KIF20B: variants seen among roughly 807,000 people sequenced by gnomAD.
KIF20B encodes kinesin-like protein KIF20B.
A neutral mutation model predicts 232.5 loss-of-function variants in KIF20B; 188 were observed. The ratio of observed to expected loss-of-function variants is 0.81; its 90% CI spans 0.72 to 0.91. The LOEUF (loss-of-function observed/expected upper bound fraction) is 0.91. Ranked by LOEUF, KIF20B falls within the 40% of genes least tolerant of loss-of-function variation. KIF20B has a pLI of 0.00. For missense variants in KIF20B, 2,154 were observed against 2,055.9 expected, an observed-to-expected ratio of 1.05 and a Z score of -0.92; for synonymous variants, 712 against 683.0, an observed-to-expected ratio of 1.04 and a Z score of -0.66.
At chr10:89,716,126 G>A (rs572206282) in intron 8 of KIF20B, among the ~76,000 whole-genome samples, 7 of 152,258 alleles carry the variant, frequency 4.6e-5, no homozygotes, top group Middle Eastern at 3.4e-3. Flanking sequence ...GGTTTAATCT[G>A]TACTGTACTT....
chr10:89,725,094 T>C lies in KIF20B; in HGVS notation c.1937T>C (p.Val646Ala). The C allele has an allele frequency of 6.2e-7, 1 of 1,614,026 alleles. No individual in the cohort carries two copies. The highest frequency in any genetic ancestry group is 8.5e-7 in the Non-Finnish European group (1 of 1,179,942). Residue 646 changes from valine to alanine, a missense_variant, in exon 15 of 33, where the codon GTT becomes GCT. Coordinates refer to ENST00000371728, the MANE Select transcript of KIF20B (RefSeq NM_001284259.2). The part of the protein sequence containing the change: ...ERRLAIFKDL[V>A]GKCDTREEAA... ...CGTTTGGCTATCTTCAAGGATTTGG[T>C]TGGTAAATGTGACACTCGAGAAGAA...
At chr10:89,709,847 A>T in intron 4 of KIF20B, 80 bp from the exon 5 acceptor site, 1 of 1,109,138 alleles carries the variant, frequency 9.0e-7, no homozygotes, top group Non-Finnish European at 1.2e-6. Context: ...TAAATTTTTA[A>T]ACAGTAGTGT....
In KIF20B at chr10:89,752,469, G is replaced by A. The variant is rs373117693; in HGVS notation, c.4223-98G>A. 66 of 811,744 alleles carry A rather than the reference G, an allele frequency of 8.1e-5. No individual in the cohort carries two copies. In the African/African-American group the frequency reaches 1.0e-3, roughly 13 times the overall value. The allele number at this position is 811,744 out of a possible 1,614,324, so 50.3% of individuals were successfully genotyped here. A position where few individuals can be genotyped will look rare whatever the true frequency, so the allele number is the denominator to read the frequency against. On this transcript the variant is annotated intron_variant, in intron 24 of 32. Transcript: ENST00000371728. ...ATCTTGGTCTGTGTTCTTTATCTGG[G>A]CTCTACTGATTTGTGTCTGTAGCCC...
intron 17 of KIF20B, among the ~76,000 whole-genome samples, chr10:89,728,338 A>T (rs556375371): frequency 6.6e-5 from 10 of 152,286 alleles, no homozygotes; most frequent in African/African-American, 2.4e-4. Flanking sequence ...CCTAAATTTA[A>T]AACAAAACCA....
intron 13 of KIF20B, among the ~76,000 whole-genome samples, 179 bp downstream of exon 13, chr10:89,719,885 C>T (rs554035786): frequency 6.6e-6 from 1 of 152,142 alleles, no homozygotes; most frequent in African/African-American, 2.4e-5. Context: ...CTCATTTATC[C>T]TTCACCTGGA....
intron 16 of KIF20B, among the ~76,000 whole-genome samples, chr10:89,726,804 T>C (rs1039149495): frequency 6.6e-6 from 1 of 152,042 alleles, no homozygotes; most frequent in Non-Finnish European, 1.5e-5. Flanking sequence ...CTGTAAATTT[T>C]GTTATATATA....
intron 9 of KIF20B, among the ~76,000 whole-genome samples, chr10:89,717,185 G>C (rs1331936097): frequency 6.6e-6 from 1 of 152,262 alleles, no homozygotes; most frequent in South Asian, 2.1e-4. Context: ...ATTAATAGAA[G>C]TTGAACTGTC....
At chr10:89,716,593 T>C in intron 9 of KIF20B, 46 bp downstream of exon 9, 1 of 919,518 alleles carries the variant, frequency 1.1e-6, no homozygotes, top group Non-Finnish European at 1.7e-6. Flanking sequence ...ACCGATAGTA[T>C]TCTGTGTTAA....
At position 89,737,877 on chromosome 10, in the gene KIF20B, G is replaced by T; in HGVS notation, c.3036G>T (p.Leu1012=). The T allele has an allele frequency of 6.2e-7, 1 of 1,613,428 alleles. No homozygotes were observed. ...TAGATTTGCTCAATCTCAGGGATCT[G>T]TCAAATGGTTCTGAGGAGGATAATT... ...SNIDLLNLRD[L]SNGSEEDNLP... The change falls in exon 20 of 33, where the codon CTG becomes CTT. Residue 1012 remains leucine, a synonymous_variant. Transcript: ENST00000371728.
At chr10:89,713,803 T>C (rs142509532) in intron 6 of KIF20B, among the ~76,000 whole-genome samples, 3 of 152,172 alleles carry the variant, frequency 2.0e-5, no homozygotes, top group Admixed American at 6.5e-5. Flanking sequence ...GGGAAATATT[T>C]TAAAATATTA....
intron 19 of KIF20B, among the ~76,000 whole-genome samples, chr10:89,734,804 A>C (rs1841609248): frequency 6.6e-6 from 1 of 152,206 alleles, no homozygotes; most frequent in South Asian, 2.1e-4. Flanking sequence ...TTGGCTCTTA[A>C]GGAACAATTA....
intron 26 of KIF20B, 27 bp downstream of exon 26, chr10:89,754,700 A>G (rs775966115): frequency 1.4e-6 from 2 of 1,457,274 alleles, no homozygotes; most frequent in Admixed American, 2.3e-5. Flanking sequence ...TCTTTGATGT[A>G]TTTCACCTAC....
At position 89,724,007 on chromosome 10, in the gene KIF20B, A is replaced by G. The variant is rs1266919497; in HGVS notation, c.1766A>G (p.Asn589Ser). 4 of 1,588,470 alleles carry G rather than the reference A, an allele frequency of 2.5e-6. No individual in the cohort carries two copies. The East Asian group carries it at 6.8e-5, about 27-fold the overall frequency. Reference sequence around the variant, plus strand: ...GAAGACTTGAAAAAAAAACTGATAAATGAAAAAAAGGAAAAATTAACCTTG... The same window carrying G: ...GAAGACTTGAAAAAAAAACTGATAAGTGAAAAAAAGGAAAAATTAACCTTG... ...LIEDLKKKLI[N>S]EKKEKLTLEF... Residue 589 changes from asparagine to serine, a missense_variant, in exon 14 of 33, where the codon AAT becomes AGT. Asn to Ser is a conservative substitution (Grantham distance 46, BLOSUM62 1). Coordinates refer to ENST00000371728, the MANE Select transcript of KIF20B (RefSeq NM_001284259.2).
intron 21 of KIF20B, among the ~76,000 whole-genome samples, chr10:89,742,698 C>CA (rs1841826982): frequency 7.1e-6 from 1 of 141,260 alleles, no homozygotes; most frequent in Admixed American, 7.0e-5. Context: ...CATCTTCAAG[C>CA]CTTTTTTTTT....
chr10:89,737,673 T>A lies in KIF20B; in HGVS notation c.2832T>A (p.Ile944=), dbSNP rs769756248. 7.4e-6 allele frequency: 12 copies of A among 1,612,726 alleles called. No individual in the cohort carries two copies. The South Asian group carries it at 1.3e-4, about 18-fold the overall frequency. Residue 944 remains isoleucine, a synonymous_variant, in exon 20 of 33, where the codon ATT becomes ATA. Transcript: ENST00000371728. The part of the protein sequence containing the change: ...QQIQSNYDIA[I]AELHVQKSKN... Reference sequence around the variant, plus strand: ...TTCAGTCAAATTATGATATTGCAATTGCTGAATTACATGTGCAGAAAAGTA... The same window carrying A: ...TTCAGTCAAATTATGATATTGCAATAGCTGAATTACATGTGCAGAAAAGTA...
At chr10:89,720,184 T>C (rs1843023360) in intron 13 of KIF20B, among the ~76,000 whole-genome samples, 2 of 152,216 alleles carry the variant, frequency 1.3e-5, no homozygotes, top group Non-Finnish European at 2.9e-5. Context: ...AGTTAACACA[T>C]TGCTTTTGAT....
Position 89,719,351 on chromosome 10 carries a change from A to G in KIF20B, c.1435-68A>G, listed in dbSNP as rs1034087213. ...GTGTTCATTTGACTTAAATTTATAA[A>G]ATAATCATTTTCTAGTGGACAGTTC... On this transcript the variant is annotated intron_variant, in intron 12 of 32. Transcript: ENST00000371728. 4.4e-5 allele frequency: 50 copies of G among 1,139,602 alleles called. 1 individual carries two copies. The East Asian group carries it at 8.6e-4, about 20-fold the overall frequency. 70.6% of individuals were successfully genotyped at this position (1,139,602 alleles called of 1,614,324 possible).
intron 29 of KIF20B, among the ~76,000 whole-genome samples, chr10:89,765,957 G>A (rs1233250593): frequency 1.3e-5 from 2 of 151,922 alleles, no homozygotes; most frequent in African/African-American, 4.8e-5. Context: ...TTTTGACTTT[G>A]CTGAATCTGA....
In KIF20B at chr10:89,738,355, A is replaced by G. The variant is rs779361610; in HGVS notation, c.3514A>G (p.Thr1172Ala). The change falls in exon 20 of 33, where the codon ACT (threonine) becomes GCT (alanine). Residue 1172 changes from threonine to alanine, a missense_variant. Thr to Ala is a moderately conservative substitution (Grantham distance 58). Coordinates refer to ENST00000371728, the MANE Select transcript of KIF20B (RefSeq NM_001284259.2). ...AAAGGAACTTGAAACAATTTTAGAG[A>G]CTCAGAAAGTTGAATGTAGTCATTC... ...KIKELETILE[T>A]QKVECSHSAK... The G allele has an allele frequency of 6.2e-7, 1 of 1,610,098 alleles. No individual in the cohort carries two copies. Among genetic ancestry groups the G allele is most frequent in the South Asian group, 1.1e-5 (1 of 89,818 alleles).
Sources: gnomAD v4.1 joint callset for allele counts (sites outside exome capture counted in the v4.1 genomes callset) on GRCh38, gnomAD v4.1.1 for gene constraint, MANE v1.5 for transcripts, NCBI Gene and HGNC (gene_info 2026-07-23, HGNC 2026-07-21) for gene names.